The following MMEL1 variants were observed in gnomAD, a reference collection of about 807,000 sequenced individuals.
The protein encoded by MMEL1 is membrane metallo-endopeptidase-like 1.
MMEL1 carries 98 observed loss-of-function variants against 117.1 expected under a neutral mutation model. The observed-to-expected ratio is 0.84, with a 90% CI of 0.71 to 0.99. The LOEUF (loss-of-function observed/expected upper bound fraction) is 0.99, where lower values mean the gene tolerates loss of function less well. Among genes scored for constraint, MMEL1 ranks in the 50% least tolerant of loss-of-function variants. The pLI is 0.00. For synonymous variants in MMEL1, 390 were observed against 415.1 expected, an observed-to-expected ratio of 0.94 and a Z score of 0.74; for missense variants, 1,014 against 1,049.1, an observed-to-expected ratio of 0.97 and a Z score of 0.46.
chr1:2,604,135 C>CCCCCCCCCAACAAA lies in MMEL1; in HGVS notation c.951+11_951+12insTTTGTTGGGGGGGG. ...CTCGCTGCCCGCTCCCCACCCGCCC[C>CCCCCCCCCAACAAA]GGCCCCCTTACCTTGGCCAGCTGTG... is the stretch of plus-strand genomic sequence containing the variant. On this transcript the variant is annotated intron_variant, in intron 10 of 23. Transcript: ENST00000378412. 6.6e-7 allele frequency: 1 copy of CCCCCCCCCAACAAA among 1,520,166 alleles called. No homozygotes were observed. The highest frequency in any genetic ancestry group is 9.1e-7 in the Non-Finnish European group (1 of 1,100,358). The allele number at this position is 1,520,166 out of a possible 1,614,324, so 94.2% of individuals were successfully genotyped here. A position where few individuals can be genotyped will look rare whatever the true frequency, so the allele number is the denominator to read the frequency against.
intron 2 of MMEL1, among the ~76,000 whole-genome samples, chr1:2,615,223 A>T (rs1177965524): frequency 6.6e-6 from 1 of 152,168 alleles, no homozygotes; most frequent in Non-Finnish European, 1.5e-5. Flanking sequence ...ACTATGAAAA[A>T]GAAGGGAAAA....
chr1:2,592,714 C>T lies in MMEL1; in HGVS notation c.2008G>A (p.Gly670Arg), dbSNP rs577279334. The T allele has an allele frequency of 7.4e-6, 12 of 1,611,900 alleles. No homozygotes were observed. Among genetic ancestry groups the T allele is most frequent in the Middle Eastern group, 1.7e-4 (1 of 6,058 alleles). The change falls in exon 21 of 24, where the codon GGA becomes AGA. Residue 670 changes from glycine to arginine, a missense_variant. Coordinates refer to ENST00000378412, the MANE Select transcript of MMEL1 (RefSeq NM_033467.4). ...WDLADEQNVN[G>R]FNTLGENIAD... ...ATGTTTTCCCCAAGGGTGTTGAATC[C>T]GTTCACCTGCGCACAGGAGACAGGA...
chr1:2,591,905 T>A (rs143856922), intron 22 of MMEL1, 27 bp downstream of exon 22: 27,828 of 1,601,536 alleles, frequency 0.017, 307 homozygotes, highest in Admixed American at 0.025. Context: ...AGCATGGGGA[T>A]GGTGGGACCA....
At chr1:2,593,150 G>A (rs1023409552) in intron 19 of MMEL1, among the ~76,000 whole-genome samples, 184 bp from the exon 20 acceptor site, 1 of 152,204 alleles carries the variant, frequency 6.6e-6, no homozygotes, top group Admixed American at 6.5e-5. Flanking sequence ...AGCTGTCTGG[G>A]GCTACACAGC....
In MMEL1 at chr1:2,598,790, C is replaced by G; in HGVS notation, c.1042G>C (p.Gly348Arg). 6.2e-7 allele frequency: 1 copy of G among 1,608,724 alleles called. No homozygotes were observed. The highest frequency in any genetic ancestry group is 1.1e-5 in the South Asian group (1 of 90,800). Residue 348 changes from glycine to arginine, a missense_variant and splice_region_variant, in exon 12 of 24, where the codon GGA (glycine) becomes CGA (arginine). Physicochemically the swap from Gly to Arg is moderately radical, Grantham distance 125 (BLOSUM62 -2). Coordinates refer to ENST00000378412, the MANE Select transcript of MMEL1 (RefSeq NM_033467.4). Reference sequence around the variant, plus strand: ...TGTATGAACAGAGTCCAGTTAAATCCCTGCAGATAGAGGAAGTGGGGAGAA... The same window carrying G: ...TGTATGAACAGAGTCCAGTTAAATCGCTGCAGATAGAGGAAGTGGGGAGAA... ...EELQSQFGLK[G>R]FNWTLFIQTV... is the part of the protein sequence containing the mutation.
rs752965331 is a variant in MMEL1 at position 2,604,135 on chromosome 1, C to T, written c.951+12G>A. 16 of 1,520,100 alleles carry T rather than the reference C, an allele frequency of 1.1e-5. No homozygotes were observed. Among genetic ancestry groups the T allele is most frequent in the African/African-American group, 5.5e-5 (4 of 72,950 alleles). 94.2% of individuals were successfully genotyped at this position (1,520,100 alleles called of 1,614,324 possible). On this transcript the variant is annotated intron_variant, in intron 10 of 23. Coordinates refer to ENST00000378412, the MANE Select transcript of MMEL1 (RefSeq NM_033467.4). ...CTCGCTGCCCGCTCCCCACCCGCCC[C>T]GGCCCCCTTACCTTGGCCAGCTGTG...
intron 2 of MMEL1, among the ~76,000 whole-genome samples, chr1:2,618,858 A>T (rs937007572): frequency 2.0e-5 from 3 of 152,222 alleles, no homozygotes; most frequent in African/African-American, 7.2e-5. Context: ...AACCCCAAAG[A>T]TTGCCAATTA....
chr1:2,607,189 C>T (rs559585723), intron 6 of MMEL1, 120 bp from the exon 7 acceptor site: 48 of 770,154 alleles, frequency 6.2e-5, no homozygotes, highest in Admixed American at 5.4e-4. Context: ...CAGTGCTCCG[C>T]GAGAGGCGGC....
chr1:2,603,621 C>T (rs1322561508), intron 11 of MMEL1, among the ~76,000 whole-genome samples: 2 of 149,662 alleles, frequency 1.3e-5, no homozygotes, highest in Non-Finnish European at 3.0e-5. Flanking sequence ...GCTCAGAAGA[C>T]CGGGGCCATC....
intron 21 of MMEL1, among the ~76,000 whole-genome samples, chr1:2,592,307 C>CCCCCCCTCCCCTGCCGTGCTGACG (rs1644737747): frequency 9.6e-6 from 1 of 103,882 alleles, no homozygotes; most frequent in African/African-American, 4.2e-5. Flanking sequence ...GGCACTGGTG[C>CCCCCCCTCCCCTGCCGTGCTGACG]CCCCCTCCCC....
In MMEL1 at chr1:2,595,263, G is replaced by A. The variant is rs1187919996; in HGVS notation, c.1584+13C>T. 6 of 1,612,262 alleles carry A rather than the reference G, an allele frequency of 3.7e-6. No homozygotes were observed. The highest frequency in any genetic ancestry group is 1.7e-6 in the Non-Finnish European group (2 of 1,179,048). On this transcript the variant is annotated intron_variant, in intron 16 of 23. Transcript: ENST00000378412. This position sits in a 1 kb window ranked among gnomAD's most constrained non-coding sequence, Gnocchi z 4.8. ...GTGTGGGGGGCAGTTTAGGGCTGGG[G>A]TTGGGGGCGCACATTGGAGTACTCC...
intron 2 of MMEL1, among the ~76,000 whole-genome samples, chr1:2,626,439 C>T (rs928493567): frequency 1.3e-5 from 2 of 152,242 alleles, no homozygotes; most frequent in Non-Finnish European, 1.5e-5. Flanking sequence ...ATATTTGAGG[C>T]TTTGTGGGCC....
chr1:2,608,727 A>G (rs1032519318), intron 6 of MMEL1, among the ~76,000 whole-genome samples: 7 of 152,118 alleles, frequency 4.6e-5, no homozygotes, highest in Admixed American at 3.9e-4. Context: ...CACTATACAC[A>G]ATACACATGT....
At chr1:2,620,087 G>C (rs896025467) in intron 2 of MMEL1, among the ~76,000 whole-genome samples, 3 of 152,172 alleles carry the variant, frequency 2.0e-5, no homozygotes, top group Non-Finnish European at 4.4e-5. Context: ...CAAATCCACA[G>C]CAGAATAAAT....
intron 9 of MMEL1, among the ~76,000 whole-genome samples, chr1:2,604,815 T>C (rs975044205): frequency 6.6e-6 from 1 of 152,140 alleles, no homozygotes; most frequent in African/African-American, 2.4e-5. Flanking sequence ...GCTTGGCCCA[T>C]AGCTGCCTGG....
chr1:2,594,696 C>T (rs531334567), intron 17 of MMEL1, 94 bp downstream of exon 17: 33 of 1,115,162 alleles, frequency 3.0e-5, no homozygotes, highest in East Asian at 2.4e-4. Flanking sequence ...ACCCCAGCCA[C>T]GCATCCAGTC....
In MMEL1 at chr1:2,598,100, G is replaced by A. The variant is rs551244127; in HGVS notation, c.1272+107C>T. On this transcript the variant is annotated intron_variant, in intron 13 of 23. Coordinates refer to ENST00000378412, the MANE Select transcript of MMEL1 (RefSeq NM_033467.4). ...GGGCGCCTCGCCCTGCCTCGTCCATGGCTGTGACCCTGGTGTGGACCTCGG... is the reference window on the plus strand; with the variant it reads ...GGGCGCCTCGCCCTGCCTCGTCCATAGCTGTGACCCTGGTGTGGACCTCGG... 78 of 1,074,232 alleles carry A rather than the reference G, an allele frequency of 7.3e-5. No homozygotes were observed. The African/African-American group carries it at 1.1e-3, about 16-fold the overall frequency. 66.5% of individuals were successfully genotyped at this position (1,074,232 alleles called of 1,614,324 possible).
rs1645124987 is a variant in MMEL1 at position 2,611,346 on chromosome 1, G to A, written c.233-6C>T. On this transcript the variant is annotated splice_polypyrimidine_tract_variant and splice_region_variant and intron_variant, in intron 3 of 23. Transcript: ENST00000378412. Reference sequence around the variant, plus strand: ...CTCTTGGGCCTCTGGGATCCCTGCGGGCAAGGAGCAGCCTGAGCACCGGGA... The same window carrying A: ...CTCTTGGGCCTCTGGGATCCCTGCGAGCAAGGAGCAGCCTGAGCACCGGGA... 3 of 1,528,260 alleles carry A rather than the reference G, an allele frequency of 2.0e-6. No individual in the cohort carries two copies. Among genetic ancestry groups the A allele is most frequent in the Non-Finnish European group, 2.6e-6 (3 of 1,137,850 alleles). 94.7% of individuals were successfully genotyped at this position (1,528,260 alleles called of 1,614,324 possible). A position where few individuals can be genotyped will look rare whatever the true frequency, so the allele number is the denominator to read the frequency against.
At position 2,605,594 on chromosome 1, in the gene MMEL1, G is replaced by A; in HGVS notation, c.780C>T (p.Ser260=). 6.2e-7 allele frequency: 1 copy of A among 1,613,098 alleles called. No homozygotes were observed. Among genetic ancestry groups the A allele is most frequent in the Non-Finnish European group, 8.5e-7 (1 of 1,179,482 alleles). The part of the protein sequence containing the change: ...YIDQPTLGMP[S]REYYFNGGSN... ...TGCCGCCGTTGAAGTAGTACTCTCG[G>A]GAGGGCATGCCCAAGGTGGGCTGGT... The change falls in exon 9 of 24, where the codon TCC becomes TCT. Residue 260 remains serine (S), a synonymous_variant. Transcript: ENST00000378412.
Sources: allele counts gnomAD v4.1 joint callset (sites outside exome capture counted in the v4.1 genomes callset), GRCh38; gene constraint gnomAD v4.1.1; non-coding constraint Gnocchi (gnomAD v3.1); transcripts MANE v1.5; gene names NCBI Gene and HGNC (gene_info 2026-07-23, HGNC 2026-07-21).